Variants in PRORP observed in about 807,000 individuals in gnomAD.
PRORP encodes the protein protein only RNase P catalytic subunit.
In PRORP, 51 loss-of-function variants were observed where a neutral mutation model predicts 59.4. That is an observed-to-expected ratio of 0.86 (90% CI 0.69 to 1.08). The LOEUF is 1.08. Among genes scored for constraint, PRORP ranks in the 50% least tolerant of loss-of-function variants. The pLI is 0.00. For synonymous variants in PRORP, 231 were observed against 245.6 expected, an observed-to-expected ratio of 0.94 and a Z score of 0.55; for missense variants, 646 against 690.3, an observed-to-expected ratio of 0.94 and a Z score of 0.72.
chr14:35,136,113 T>G (rs927292872), intron 4 of PRORP, among the ~76,000 whole-genome samples: 1 of 151,932 alleles, frequency 6.6e-6, no homozygotes, highest in Admixed American at 6.6e-5. Context: ...TGTGGGATGA[T>G]GAGGGAAATG....
chr14:35,127,915 A>G (rs2047138389), intron 4 of PRORP, among the ~76,000 whole-genome samples: 1 of 152,232 alleles, frequency 6.6e-6, no homozygotes, highest in Admixed American at 6.6e-5. Context: ...GGGTTAGACC[A>G]TCATCTGTTG....
At chr14:35,268,257 A>C (rs1161118321) in intron 6 of PRORP, among the ~76,000 whole-genome samples, 1 of 150,536 alleles carries the variant, frequency 6.6e-6, no homozygotes. Context: ...AGGCAGCAGA[A>C]TCACTTGAAC....
intron 4 of PRORP, among the ~76,000 whole-genome samples, chr14:35,167,312 C>T (rs2048208538): frequency 6.6e-6 from 1 of 152,164 alleles, no homozygotes; most frequent in African/African-American, 2.4e-5. Context: ...CTGTTTATTG[C>T]AGCCTTTTTT....
intron 5 of PRORP, among the ~76,000 whole-genome samples, chr14:35,212,131 A>G (rs772276463): frequency 3.2e-4 from 49 of 152,220 alleles, no homozygotes; most frequent in African/African-American, 1.1e-3. Context: ...ATGAGGTTAC[A>G]GCAATTCAGT....
chr14:35,258,010 A>T (rs533588868), intron 5 of PRORP, among the ~76,000 whole-genome samples: 1 of 152,174 alleles, frequency 6.6e-6, no homozygotes, highest in Admixed American at 6.5e-5. Flanking sequence ...CTCAGGAACT[A>T]CTTTTCATCA....
intron 4 of PRORP, among the ~76,000 whole-genome samples, chr14:35,174,306 A>G (rs1347778563): frequency 6.6e-6 from 1 of 152,040 alleles, no homozygotes; most frequent in Non-Finnish European, 1.5e-5. Context: ...TCTAGAATTT[A>G]TATTATTATC....
At chr14:35,153,193 G>A (rs2047822879) in intron 4 of PRORP, among the ~76,000 whole-genome samples, 1 of 152,248 alleles carries the variant, frequency 6.6e-6, no homozygotes, top group Non-Finnish European at 1.5e-5. Flanking sequence ...TTGGAGACCA[G>A]CCCGGCCAAC....
chr14:35,234,600 C>G (rs1454325515), intron 5 of PRORP, among the ~76,000 whole-genome samples: 2 of 151,726 alleles, frequency 1.3e-5, no homozygotes, highest in East Asian at 1.9e-4. Context: ...GGCACTTTTA[C>G]TTACTTCATT....
chr14:35,228,954 G>A (rs113194322), intron 5 of PRORP, among the ~76,000 whole-genome samples: 15,426 of 152,162 alleles, frequency 0.1, 863 homozygotes, highest in African/African-American at 0.15. Flanking sequence ...AGCCTTGCCA[G>A]CATCTGTTTT....
Position 35,276,518 on chromosome 14 carries a change from G to C in PRORP, c.*2952G>C, listed in dbSNP as rs1231712286. ...TGTCCAGGAGTGGGGAACCATTGTA[G>C]GGTTGCTCAGCATAAGTCATACTGC... On this transcript the variant is annotated 3_prime_UTR_variant, in exon 8 of 8. Transcript: ENST00000534898. 6.6e-6 allele frequency: 1 copy of C among 151,896 alleles called. No individual in the cohort carries two copies. The highest frequency in any genetic ancestry group is 1.5e-5 in the Non-Finnish European group (1 of 68,028). The allele number at this position is 151,896 out of a possible 1,614,324, so 9.4% of individuals were successfully genotyped here. A position where few individuals can be genotyped will look rare whatever the true frequency, so the allele number is the denominator to read the frequency against.
intron 5 of PRORP, chr14:35,262,422 A>G (rs2050928858): frequency 2.6e-6 from 1 of 377,996 alleles, no homozygotes; most frequent in South Asian, 2.3e-5. Context: ...GTTTAAAAAT[A>G]CATAGAATAA....
At chr14:35,254,831 C>T (rs2050709441) in intron 5 of PRORP, among the ~76,000 whole-genome samples, 2 of 152,174 alleles carry the variant, frequency 1.3e-5, no homozygotes, top group African/African-American at 4.8e-5. Flanking sequence ...ATGTCATCCT[C>T]CCACACCTCT....
At position 35,275,633 on chromosome 14, in the gene PRORP, G is replaced by C. The variant is rs1064248; in HGVS notation, c.*2067G>C. 1 of 151,964 alleles carries C rather than the reference G, an allele frequency of 6.6e-6. No individual in the cohort carries two copies. The highest frequency in any genetic ancestry group is 1.5e-5 in the Non-Finnish European group (1 of 68,010). 9.4% of individuals were successfully genotyped at this position (151,964 alleles called of 1,614,324 possible). A position where few individuals can be genotyped will look rare whatever the true frequency, so the allele number is the denominator to read the frequency against. On this transcript the variant is annotated 3_prime_UTR_variant, in exon 8 of 8. Coordinates refer to ENST00000534898, the MANE Select transcript of PRORP (RefSeq NM_014672.4). ...AAGTATTTATTAAGCCCATCTAAAA[G>C]GCTAATGCAAATTCCCAAAAAAGGA...
intron 6 of PRORP, among the ~76,000 whole-genome samples, chr14:35,268,171 AC>A (rs2051093020): frequency 6.6e-6 from 1 of 151,878 alleles, no homozygotes; most frequent in Non-Finnish European, 1.5e-5. Context: ...AACATAGTGA[AC>A]CCCATCTCTA....
chr14:35,180,607 T>C, intron 4 of PRORP, 63 bp from the exon 5 acceptor site: 1 of 899,076 alleles, frequency 1.1e-6, no homozygotes, highest in Non-Finnish European at 1.8e-6. Context: ...GTCACTGCAG[T>C]GTGTTTATAA....
intron 5 of PRORP, among the ~76,000 whole-genome samples, chr14:35,197,772 A>G (rs541871760): frequency 1.3e-5 from 2 of 152,300 alleles, no homozygotes; most frequent in South Asian, 4.2e-4. Flanking sequence ...TGGTTATAAT[A>G]TATGTGATAC....
At chr14:35,125,366 G>A (rs1325517507) in intron 2 of PRORP, among the ~76,000 whole-genome samples, 2 of 151,970 alleles carry the variant, frequency 1.3e-5, no homozygotes, top group Non-Finnish European at 2.9e-5. Flanking sequence ...GTACATACCT[G>A]TTTATTGCTT....
intron 2 of PRORP, 38 bp downstream of exon 2, chr14:35,124,269 T>C (rs889618375): frequency 1.9e-5 from 26 of 1,383,660 alleles, no homozygotes; most frequent in Non-Finnish European, 2.5e-5. Flanking sequence ...TTTTATTCTT[T>C]AATTTTTTTT....
intron 4 of PRORP, among the ~76,000 whole-genome samples, chr14:35,176,083 C>G (rs1445009542): frequency 6.6e-6 from 1 of 152,134 alleles, no homozygotes; most frequent in African/African-American, 2.4e-5. Context: ...GGGCTCTGTT[C>G]TGTTCCATTG....
Sources: gnomAD v4.1 joint callset for allele counts (sites outside exome capture counted in the v4.1 genomes callset) on GRCh38, gnomAD v4.1.1 for gene constraint, MANE v1.5 for transcripts, NCBI Gene and HGNC (gene_info 2026-07-23, HGNC 2026-07-21) for gene names.